PRKDC: variants seen among roughly 807,000 people sequenced by gnomAD.
The protein encoded by PRKDC is protein kinase, DNA-activated, catalytic subunit, also known as DNA-dependent protein kinase catalytic subunit.
In PRKDC, 82 loss-of-function variants were observed where a neutral mutation model predicts 486.9. The ratio of observed to expected loss-of-function variants is 0.17; its 90% confidence interval spans 0.14 to 0.20. The LOEUF (loss-of-function observed/expected upper bound fraction) is 0.20. PRKDC is among the 10% of genes least tolerant of loss of function. The pLI, the probability that PRKDC is intolerant of heterozygous loss-of-function variation, is 1.00. For synonymous variants in PRKDC, 1,895 were observed against 1,837.0 expected (o/e 1.03, Z -0.81); for missense variants, 4,504 against 5,038.2 (o/e 0.89, Z 3.21).
intron 40 of PRKDC, among the ~76,000 whole-genome samples, chr8:47,865,814 T>C (rs1394794501): frequency 2.0e-5 from 3 of 151,950 alleles, no homozygotes; most frequent in African/African-American, 4.8e-5. Flanking sequence ...CCCGGTGTGA[T>C]TGTATTAGGA....
At chr8:47,942,423 G>C (rs1005219189) in intron 10 of PRKDC, among the ~76,000 whole-genome samples, 1 of 152,138 alleles carries the variant, frequency 6.6e-6, no homozygotes, top group African/African-American at 2.4e-5. Context: ...CAGTTTTTTG[G>C]AAGGCAGGCC....
At chr8:47,900,884 T>C (rs1274774498) in intron 27 of PRKDC, among the ~76,000 whole-genome samples, 1 of 151,586 alleles carries the variant, frequency 6.6e-6, no homozygotes, top group African/African-American at 2.4e-5. Context: ...TTGTTGTTTT[T>C]TTAAAGGCTC....
At chr8:47,862,798 G>C (rs958780013) in intron 42 of PRKDC, among the ~76,000 whole-genome samples, 1 of 152,200 alleles carries the variant, frequency 6.6e-6, no homozygotes, top group Non-Finnish European at 1.5e-5. Flanking sequence ...TAAAGAGAGG[G>C]AAGGAAGCAA....
At chr8:47,875,254 T>C (rs1405465371) in intron 40 of PRKDC, among the ~76,000 whole-genome samples, 1 of 152,246 alleles carries the variant, frequency 6.6e-6, no homozygotes, top group Admixed American at 6.5e-5. Flanking sequence ...TTTCGTAATA[T>C]TCGCTTATAA....
At chr8:47,842,066 C>A (rs1482113654) in intron 54 of PRKDC, among the ~76,000 whole-genome samples, 1 of 152,154 alleles carries the variant, frequency 6.6e-6, no homozygotes. Context: ...CTTTGCCAAG[C>A]ACAGAGGACC....
At position 47,893,387 on chromosome 8, in the gene PRKDC, C is replaced by A; in HGVS notation, c.3599G>T (p.Gly1200Val). 1 of 1,498,008 alleles carries A rather than the reference C, an allele frequency of 6.7e-7. No individual in the cohort carries two copies. The allele number at this position is 1,498,008 out of a possible 1,614,324, so 92.8% of individuals were successfully genotyped here. ...CAGCCACAAATTAGGGGATCTGTTGCCTTTAAAAAGAAACAAAATTAAAAT... is the reference window on the plus strand; with the variant it reads ...CAGCCACAAATTAGGGGATCTGTTGACTTTAAAAAGAAACAAAATTAAAAT... Reference protein sequence around the residue: ...LFYKFVPLLPGNRSPNLWLKD... With the variant: ...LFYKFVPLLPVNRSPNLWLKD... The change falls in exon 31 of 86, where the codon GGC (glycine) becomes GTC (valine). Residue 1200 changes from glycine to valine, a missense_variant and splice_region_variant. By Grantham distance (109) the Gly-to-Val change is moderately radical. This residue lies in a region of PRKDC where 1,969 missense variants were observed against 2,068.9 expected (regional missense o/e 0.95). Coordinates refer to ENST00000314191, the MANE Select transcript of PRKDC (RefSeq NM_006904.7).
chr8:47,830,313 T>G (rs2087833939), intron 61 of PRKDC, among the ~76,000 whole-genome samples: 1 of 152,204 alleles, frequency 6.6e-6, no homozygotes, highest in Non-Finnish European at 1.5e-5. Context: ...TTCCTTCATT[T>G]ATGCTCCCTT....
intron 7 of PRKDC, among the ~76,000 whole-genome samples, chr8:47,947,887 G>C (rs908241240): frequency 6.6e-6 from 1 of 151,944 alleles, no homozygotes; most frequent in Non-Finnish European, 1.5e-5. Flanking sequence ...CAGTCTAGGT[G>C]ACAGGGCAAG....
chr8:47,947,604 C>T (rs2154504337), intron 7 of PRKDC, among the ~76,000 whole-genome samples: 1 of 152,208 alleles, frequency 6.6e-6, no homozygotes, highest in Admixed American at 6.5e-5. Context: ...CCCATCTCTA[C>T]AAAAAATACA....
chr8:47,834,334 T>C lies in PRKDC; in HGVS notation c.8014A>G (p.Ser2672Gly). The C allele has an allele frequency of 6.2e-7, 1 of 1,614,042 alleles. No individual in the cohort carries two copies. Among genetic ancestry groups the C allele is most frequent in the Non-Finnish European group, 8.5e-7 (1 of 1,179,910 alleles). The change falls in exon 59 of 86, where the codon AGT (serine) becomes GGT (glycine). Residue 2672 changes from serine (S) to glycine (G), a missense_variant. By Grantham distance (56) the Ser-to-Gly change is moderately conservative. Around this residue, in one of 6 missense-constraint regions of PRKDC, gnomAD observed 1,592 missense variants for 1,724.6 expected, o/e 0.92. Transcript: ENST00000314191. The part of the protein sequence containing the change: ...SSTDPLVDHT[S>G]PSSDSLLFAH... ...AACAGCAAGGAGTCAGATGAGGGAC[T>C]GGTGTGGTCGACCAGCGGGTCAGTG... is the stretch of plus-strand genomic sequence containing the variant.
chr8:47,849,109 T>C, intron 54 of PRKDC, 45 bp downstream of exon 54: 1 of 1,598,232 alleles, frequency 6.3e-7, no homozygotes, highest in Admixed American at 1.7e-5. Context: ...AAATTAACGC[T>C]TTATGAGCCA....
intron 63 of PRKDC, among the ~76,000 whole-genome samples, chr8:47,824,344 CAT>C: frequency 1.3e-5 from 2 of 151,760 alleles, no homozygotes; most frequent in African/African-American, 4.8e-5. Context: ...CATGGTGGCG[CAT>C]GCCTGTAGTC....
At chr8:47,821,936 A>G in intron 64 of PRKDC, 144 bp from the exon 65 acceptor site, 1 of 822,986 alleles carries the variant, frequency 1.2e-6, no homozygotes, top group Non-Finnish European at 1.8e-6. Context: ...GAAGCTATTC[A>G]GAGTAACACT....
At chr8:47,895,058 CA>C (rs1160598311) in intron 30 of PRKDC, among the ~76,000 whole-genome samples, 2 of 152,074 alleles carry the variant, frequency 1.3e-5, no homozygotes, top group African/African-American at 4.8e-5. Context: ...GCCTGGGCAA[CA>C]GAGTGAGACC....
At chr8:47,785,390 G>A (rs2086773975) in intron 76 of PRKDC, 73 bp from the exon 77 acceptor site, 1 of 1,175,544 alleles carries the variant, frequency 8.5e-7, no homozygotes, top group African/African-American at 1.6e-5. Context: ...AAGCTTATAA[G>A]TGTAATGAAT....
At chr8:47,883,184 G>A (rs372272191) in intron 36 of PRKDC, among the ~76,000 whole-genome samples, 1 of 152,318 alleles carries the variant, frequency 6.6e-6, no homozygotes, top group East Asian at 1.9e-4. Flanking sequence ...TAATCCAGCT[G>A]GATTCAGAAC....
At chr8:47,800,671 T>C in intron 71 of PRKDC, 122 bp downstream of exon 71, 1 of 818,084 alleles carries the variant, frequency 1.2e-6, no homozygotes, top group Non-Finnish European at 1.7e-6. Flanking sequence ...TGGCTGTGCA[T>C]AACTGTCAAA....
Position 47,834,238 on chromosome 8 carries a change from T to G in PRKDC, c.8110A>C (p.Arg2704=). 3 of 1,613,862 alleles carry G rather than the reference T, an allele frequency of 1.9e-6. No individual in the cohort carries two copies. The highest frequency in any genetic ancestry group is 2.5e-6 in the Non-Finnish European group (3 of 1,179,792). ...KSVGPDFGKK[R]LGLPGDEVDN... ...ACCTCGTCCCCTGGAAGGCCCAGCC[T>G]TTTTTTCCCAAAATCAGGCCCCACT... The change falls in exon 59 of 86, where the codon AGG becomes CGG. Residue 2704 remains arginine, a synonymous_variant. Transcript: ENST00000314191.
intron 63 of PRKDC, among the ~76,000 whole-genome samples, chr8:47,824,968 T>C (rs988754713): frequency 6.6e-6 from 1 of 152,204 alleles, no homozygotes; most frequent in African/African-American, 2.4e-5. Context: ...GGTTCTCTCC[T>C]AGAGCTTATG....
Sources: allele counts gnomAD v4.1 joint callset (sites outside exome capture counted in the v4.1 genomes callset), GRCh38; gene constraint gnomAD v4.1.1; regional missense constraint gnomAD v4.1.1; transcripts MANE v1.5; gene names NCBI Gene and HGNC (gene_info 2026-07-23, HGNC 2026-07-21).